Variants in PTPRS observed in about 807,000 individuals in gnomAD.
The protein encoded by PTPRS is receptor-type tyrosine-protein phosphatase S.
Under a neutral mutation model 215.3 loss-of-function variants are expected in PTPRS, and 63 were observed. The ratio of observed to expected loss-of-function variants is 0.29; its 90% CI spans 0.24 to 0.36. PTPRS has a LOEUF of 0.36. Ranked by LOEUF, PTPRS falls within the 10% of genes least tolerant of loss-of-function variation. PTPRS has a pLI of 1.00. For synonymous variants in PTPRS, 1,404 were observed against 1,191.4 expected, an observed-to-expected ratio of 1.18 and a Z score of -3.68; for missense variants, 2,258 against 2,825.8, an observed-to-expected ratio of 0.80 and a Z score of 4.56.
rs2049064843 is a variant in PTPRS at position 5,294,458 on chromosome 19, A to G, written c.-94-8224T>C. 1 of 152,236 alleles carries G rather than the reference A, an allele frequency of 6.6e-6. No individual in the cohort carries two copies. The highest frequency in any genetic ancestry group is 1.5e-5 in the Non-Finnish European group (1 of 68,062). 9.4% of individuals were successfully genotyped at this position (152,236 alleles called of 1,614,324 possible). ...TCAAGCCCCTTGGGTTTATCTAGGT[A>G]CAGGGCCATCCTGAAGACAGACGCC... On this transcript the variant is annotated intron_variant, in intron 1 of 37. Coordinates refer to ENST00000262963, the MANE Select transcript of PTPRS (RefSeq NM_002850.4). This position sits in a 1 kb window ranked among gnomAD's most constrained non-coding sequence, Gnocchi z 5.1.
chr19:5,233,414 CATTT>C (rs1423704554), intron 13 of PTPRS, among the ~76,000 whole-genome samples: 2 of 150,546 alleles, frequency 1.3e-5, no homozygotes, highest in Admixed American at 6.6e-5. Flanking sequence ...ACAGAAGCTC[CATTT>C]ATTAACTACC....
chr19:5,225,951 A>G, intron 16 of PTPRS, 107 bp from the exon 17 acceptor site: 1 of 882,598 alleles, frequency 1.1e-6, no homozygotes, highest in Non-Finnish European at 1.8e-6. Context: ...GGCCCGGATC[A>G]GGGGTGGAGA....
rs1168390637 is a variant in PTPRS at position 5,223,139 on chromosome 19, G to T, written c.2653C>A (p.Pro885Thr). 7 of 1,571,340 alleles carry T rather than the reference G, an allele frequency of 4.5e-6. No homozygotes were observed. Among genetic ancestry groups the T allele is most frequent in the East Asian group, 2.4e-5 (1 of 42,430 alleles). ...STPLATLEFP[P>T]SEDRYTASGV... ...GATGCCGTGTAGCGGTCCTCGGAGG[G>T]CGGGAACTCCAGGGTGGCCAGGGGC... Residue 885 changes from proline to threonine, a missense_variant, in exon 18 of 38, where the codon CCC becomes ACC. By Grantham distance (38) the Pro-to-Thr change is conservative (BLOSUM62 -1). Around this residue, in one of 6 missense-constraint regions of PTPRS, gnomAD observed 361 missense variants for 332.6 expected, o/e 1.09. Transcript: ENST00000262963.
intron 35 of PTPRS, 89 bp from the exon 36 acceptor site, chr19:5,208,480 T>G: frequency 1.6e-6 from 2 of 1,237,344 alleles, no homozygotes; most frequent in Non-Finnish European, 2.2e-6. Context: ...CCCCATTTTT[T>G]GTTTGTTTGT....
At chr19:5,236,849 G>GAAAAAAAAAAA (rs1555768237) in intron 13 of PTPRS, among the ~76,000 whole-genome samples, 1 of 128,258 alleles carries the variant, frequency 7.8e-6, no homozygotes, top group African/African-American at 3.1e-5. Flanking sequence ...GGAGCAGGGG[G>GAAAAAAAAAAA]AAAAAAAAAA....
chr19:5,232,661 G>A (rs1169835911), intron 13 of PTPRS, among the ~76,000 whole-genome samples: 1 of 147,792 alleles, frequency 6.8e-6, no homozygotes, highest in Non-Finnish European at 1.5e-5. Flanking sequence ...CATGCCAAGG[G>A]GAATGGCAAC....
intron 4 of PTPRS, among the ~76,000 whole-genome samples, chr19:5,271,885 C>T (rs1471612055): frequency 1.3e-5 from 2 of 151,946 alleles, no homozygotes; most frequent in Non-Finnish European, 2.9e-5. Flanking sequence ...TCACCTCACC[C>T]ACCTAATTTT....
At chr19:5,218,754 C>T (rs759128086) in intron 24 of PTPRS, 33 bp downstream of exon 24, 67 of 1,611,340 alleles carry the variant, frequency 4.2e-5, no homozygotes. Context: ...TTCCTCTTGC[C>T]TGAAGCCTCC....
intron 33 of PTPRS, among the ~76,000 whole-genome samples, chr19:5,211,133 G>GC (rs1226812316): frequency 2.1e-4 from 32 of 152,182 alleles, no homozygotes; most frequent in Non-Finnish European, 4.6e-4. Context: ...TCAGCCCCGG[G>GC]CCTTTGCACA....
At chr19:5,212,756 T>C (rs2041028601) in intron 30 of PTPRS, among the ~76,000 whole-genome samples, 1 of 151,982 alleles carries the variant, frequency 6.6e-6, no homozygotes, top group South Asian at 2.1e-4. Context: ...GGCAGGAGAA[T>C]TGCTTGAACC....
intron 1 of PTPRS, among the ~76,000 whole-genome samples, chr19:5,329,690 G>A (rs747720906): frequency 1.6e-4 from 24 of 151,926 alleles, no homozygotes; most frequent in Non-Finnish European, 3.2e-4. Flanking sequence ...GCGTGAACCC[G>A]GGAGGTGGAG....
At chr19:5,300,498 T>C (rs2049267763) in intron 1 of PTPRS, among the ~76,000 whole-genome samples, 1 of 151,142 alleles carries the variant, frequency 6.6e-6, no homozygotes, top group South Asian at 2.1e-4. Context: ...GGGGCGGGTG[T>C]GGTGGCTTAC....
chr19:5,323,653 G>A (rs906813272), intron 1 of PTPRS, among the ~76,000 whole-genome samples: 1 of 152,242 alleles, frequency 6.6e-6, no homozygotes, highest in African/African-American at 2.4e-5. Context: ...AACAGAGTGA[G>A]GACGGGGAGA....
intron 4 of PTPRS, among the ~76,000 whole-genome samples, chr19:5,266,280 A>C (rs530098657): frequency 6.6e-6 from 1 of 151,984 alleles, no homozygotes; most frequent in Admixed American, 6.6e-5. Context: ...AACTAAAAAT[A>C]AAAATAAAAT....
At chr19:5,271,907 T>C (rs979034640) in intron 4 of PTPRS, among the ~76,000 whole-genome samples, 3 of 151,820 alleles carry the variant, frequency 2.0e-5, no homozygotes, top group African/African-American at 4.8e-5. Context: ...GTATTTTTAG[T>C]AGAGACGGGC....
At chr19:5,213,957 G>C (rs1362510764) in intron 30 of PTPRS, among the ~76,000 whole-genome samples, 1 of 152,240 alleles carries the variant, frequency 6.6e-6, no homozygotes, top group African/African-American at 2.4e-5. Flanking sequence ...TCCTGACTTT[G>C]CAGGGCTGCC....
Position 5,238,907 on chromosome 19 carries a change from C to A in PTPRS, c.1849+12G>T, listed in dbSNP as rs114029825. The A allele has an allele frequency of 7.6e-6, 12 of 1,576,894 alleles. No individual in the cohort carries two copies. The highest frequency in any genetic ancestry group is 1.7e-4 in the Middle Eastern group (1 of 5,784). ...CCTCCCGCAGAGAAGGGCGGCCCCGCGAGACACCTACTGGACTGCAGCGTG... is the reference window on the plus strand; with the variant it reads ...CCTCCCGCAGAGAAGGGCGGCCCCGAGAGACACCTACTGGACTGCAGCGTG... On this transcript the variant is annotated intron_variant, in intron 13 of 37. Transcript: ENST00000262963.
intron 11 of PTPRS, among the ~76,000 whole-genome samples, chr19:5,241,362 C>T (rs1201284859): frequency 1.3e-5 from 2 of 152,058 alleles, no homozygotes; most frequent in African/African-American, 4.8e-5. Context: ...TAGCTCACTA[C>T]AGCCTCCAAC....
At chr19:5,274,157 G>C in intron 3 of PTPRS, 42 bp downstream of exon 3, 1 of 1,583,460 alleles carries the variant, frequency 6.3e-7, no homozygotes, top group Non-Finnish European at 8.6e-7. Flanking sequence ...CCTGCCTTGG[G>C]GGAGCATTGA....
Sources: gnomAD v4.1 joint callset for allele counts (sites outside exome capture counted in the v4.1 genomes callset) on GRCh38, gnomAD v4.1.1 for gene constraint, gnomAD v4.1.1 regional missense constraint, Gnocchi (gnomAD v3.1) non-coding constraint, MANE v1.5 for transcripts, NCBI Gene and HGNC (gene_info 2026-07-23, HGNC 2026-07-21) for gene names.